The following SMARCC1 variants were observed in gnomAD, a reference collection of about 807,000 sequenced individuals.
The protein encoded by SMARCC1 is SWI/SNF related BAF chromatin remodeling complex subunit C1.
A neutral mutation model predicts 147.4 loss-of-function variants in SMARCC1; 43 were observed. The ratio of observed to expected loss-of-function variants is 0.29; its 90% CI spans 0.23 to 0.38. The LOEUF is 0.38. Ranked by LOEUF, SMARCC1 falls within the 10% of genes least tolerant of loss-of-function variation. The probability of loss-of-function intolerance (pLI) is 1.00; values close to 1 mark genes in which losing one functional copy is unlikely to be tolerated. For synonymous variants in SMARCC1, 495 were observed against 484.4 expected (o/e 1.02, Z -0.29); for missense variants, 1,119 against 1,381.1 (o/e 0.81, Z 3.01).
intron 22 of SMARCC1, among the ~76,000 whole-genome samples, chr3:47,636,786 ATATGTGTGTGTGTGTGTGTGTGTGTGTG>A (rs1447752358): frequency 2.1e-5 from 3 of 141,026 alleles, no homozygotes; most frequent in Middle Eastern, 3.5e-3. Flanking sequence ...CAAAATATAT[ATATGTGTGTGTGTGTGTGTGTGTGTGTG>A]TGTGTGTGTG....
intron 14 of SMARCC1, among the ~76,000 whole-genome samples, chr3:47,683,849 T>C (rs1030348962): frequency 2.6e-5 from 4 of 152,204 alleles, no homozygotes; most frequent in African/African-American, 9.6e-5. Flanking sequence ...CTGGTATTTA[T>C]GTTTTTAAAA....
At chr3:47,616,816 T>G (rs2032651845) in intron 25 of SMARCC1, among the ~76,000 whole-genome samples, 1 of 152,054 alleles carries the variant, frequency 6.6e-6, no homozygotes. Context: ...CTTTAAGTCA[T>G]TAGAGGGAAA....
chr3:47,670,811 C>T (rs533660046), intron 18 of SMARCC1, 94 bp from the exon 19 acceptor site: 13 of 788,580 alleles, frequency 1.6e-5, no homozygotes, highest in Non-Finnish European at 2.1e-5. Flanking sequence ...GACTGTGTTA[C>T]GCAAACTATC....
chr3:47,678,800 G>A (rs915395552), intron 15 of SMARCC1, among the ~76,000 whole-genome samples: 8 of 152,212 alleles, frequency 5.3e-5, no homozygotes, highest in Non-Finnish European at 1.0e-4. Context: ...CCTAGCCACA[G>A]GGTTGGTAAC....
At chr3:47,759,991 A>C (rs1312785542) in intron 2 of SMARCC1, among the ~76,000 whole-genome samples, 3 of 152,024 alleles carry the variant, frequency 2.0e-5, no homozygotes, top group Non-Finnish European at 4.4e-5. Context: ...CAATGACAAT[A>C]AACAAATTAC....
intron 2 of SMARCC1, among the ~76,000 whole-genome samples, chr3:47,761,624 A>AGT (rs2034774784): frequency 6.6e-6 from 1 of 152,000 alleles, no homozygotes; most frequent in Non-Finnish European, 1.5e-5. Flanking sequence ...GATTTCTTTC[A>AGT]CGTAAGTCCA....
At position 47,586,705 on chromosome 3, in the gene SMARCC1, G is replaced by A. The variant is rs189442492; in HGVS notation, c.*1504C>T. 4.0e-3 allele frequency: 609 copies of A among 152,660 alleles called. 8 individuals are homozygous for A. The highest frequency in any genetic ancestry group is 3.8e-3 in the Non-Finnish European group (261 of 68,012). The allele number at this position is 152,660 out of a possible 1,614,324, so 9.5% of individuals were successfully genotyped here. On this transcript the variant is annotated 3_prime_UTR_variant, in exon 28 of 28. Coordinates refer to ENST00000254480, the MANE Select transcript of SMARCC1 (RefSeq NM_003074.4). ...AAGATATCCAAAAGATGTCCACCTT[G>A]CATTCTAAATAATGAAACTGCCACT...
chr3:47,591,187 C>T (rs974703470), intron 26 of SMARCC1, among the ~76,000 whole-genome samples: 3 of 152,106 alleles, frequency 2.0e-5, no homozygotes, highest in Non-Finnish European at 4.4e-5. Flanking sequence ...CAATGCCAAG[C>T]ACAGCCCACA....
intron 19 of SMARCC1, chr3:47,670,452 G>A: frequency 3.9e-6 from 2 of 511,056 alleles, no homozygotes; most frequent in South Asian, 6.5e-5. Context: ...AGGCATGGTG[G>A]CACACGCCCT....
intron 9 of SMARCC1, among the ~76,000 whole-genome samples, chr3:47,710,199 C>G (rs2034066898): frequency 6.6e-6 from 1 of 152,084 alleles, no homozygotes; most frequent in South Asian, 2.1e-4. Context: ...CGCCTATAAT[C>G]CCAGCTACTT....
chr3:47,609,331 C>A (rs371080855), intron 26 of SMARCC1, among the ~76,000 whole-genome samples: 2 of 152,022 alleles, frequency 1.3e-5, no homozygotes, highest in South Asian at 4.1e-4. Flanking sequence ...CCCGTCTCTA[C>A]TAAAAATACA....
intron 9 of SMARCC1, among the ~76,000 whole-genome samples, chr3:47,707,882 C>T (rs2034027838): frequency 6.6e-6 from 1 of 152,020 alleles, no homozygotes; most frequent in African/African-American, 2.4e-5. Context: ...CTGTCTCATG[C>T]TAAAATGAAA....
At chr3:47,771,979 G>C (rs959889935) in intron 2 of SMARCC1, among the ~76,000 whole-genome samples, 3 of 151,896 alleles carry the variant, frequency 2.0e-5, no homozygotes, top group Non-Finnish European at 4.4e-5. Context: ...CTATTCGGGA[G>C]TCTTGAGGCA....
At position 47,684,348 on chromosome 3, in the gene SMARCC1, T is replaced by C. The variant is rs138045017; in HGVS notation, c.1385+1701A>G. ...GAGACGATGCTAAGGAGGTCTGTTT[T>C]CTTAAACATTTTTACATGCCAGGAT... On this transcript the variant is annotated intron_variant, in intron 14 of 27. Transcript: ENST00000254480. Among the ~76,000 whole-genome samples, 4 of 152,288 alleles carry C rather than the reference T, an allele frequency of 2.6e-5. No individual in the cohort carries two copies. In the East Asian group the frequency reaches 7.7e-4, roughly 29 times the overall value.
intron 21 of SMARCC1, among the ~76,000 whole-genome samples, chr3:47,642,251 A>G (rs2033057526): frequency 1.3e-5 from 2 of 152,242 alleles, no homozygotes; most frequent in African/African-American, 2.4e-5. Flanking sequence ...CAAGTCAGGA[A>G]GAGTTGCTTT....
At chr3:47,609,984 C>A (rs1208339074) in intron 26 of SMARCC1, 82 bp downstream of exon 26, 2 of 1,459,254 alleles carry the variant, frequency 1.4e-6, no homozygotes. Context: ...CAGAAAACAC[C>A]AACTGTGTGG....
chr3:47,647,649 C>A (rs78977755), intron 21 of SMARCC1, among the ~76,000 whole-genome samples: 4,653 of 152,286 alleles, frequency 0.031, 112 homozygotes, highest in Non-Finnish European at 0.045. Context: ...AGAACTTAGT[C>A]TCAGAGATTT....
chr3:47,774,927 C>A (rs1295547968), intron 1 of SMARCC1, among the ~76,000 whole-genome samples: 1 of 151,916 alleles, frequency 6.6e-6, no homozygotes, highest in Non-Finnish European at 1.5e-5. Context: ...TCCTCCACCT[C>A]CCAGAGAGCT....
chr3:47,752,249 C>T (rs1252963478), intron 2 of SMARCC1, among the ~76,000 whole-genome samples: 2 of 152,118 alleles, frequency 1.3e-5, no homozygotes, highest in Admixed American at 1.3e-4. Flanking sequence ...GTAGCACAAT[C>T]ACCCAAATGA....
Sources: gnomAD v4.1 joint callset for allele counts (sites outside exome capture counted in the v4.1 genomes callset) on GRCh38, gnomAD v4.1.1 for gene constraint, MANE v1.5 for transcripts, NCBI Gene and HGNC (gene_info 2026-07-23, HGNC 2026-07-21) for gene names.